The following C4orf51 variants were observed in gnomAD, a reference collection of about 807,000 sequenced individuals.
C4orf51 encodes chromosome 4 open reading frame 51, also known as uncharacterized protein C4orf51.
Under a neutral mutation model 25.2 loss-of-function variants are expected in C4orf51, and 25 were observed. That is an observed-to-expected ratio of 0.99 (90% CI 0.72 to 1.39). C4orf51 has a LOEUF of 1.39. Among genes scored for constraint, C4orf51 ranks in the 40% most tolerant of loss-of-function variants. The pLI, the probability that C4orf51 is intolerant of heterozygous loss-of-function variation, is 0.00. For missense variants in C4orf51, 252 were observed against 239.6 expected (o/e 1.05, Z -0.34); for synonymous variants, 100 against 84.5 (o/e 1.18, Z -1.01).
At position 145,716,914 on chromosome 4, in the gene C4orf51, ACTTT is replaced by A. The variant is rs149320728; in HGVS notation, c.308-9989_308-9986del. 7.2e-5 allele frequency among the ~76,000 whole-genome samples: 11 copies of A among 152,202 alleles called. No individual in the cohort carries two copies. The East Asian group carries it at 2.1e-3, about 29-fold the overall frequency. ...TGTGTGCTATTGTTAAAATCAGGAG[ACTTT>A]CTTTCTTCCCTTTGCAGTAAAGAAC... On this transcript the variant is annotated intron_variant, in intron 2 of 5. Transcript: ENST00000438731.
chr4:145,708,024 T>G (rs1338782179), intron 2 of C4orf51, among the ~76,000 whole-genome samples: 1 of 152,224 alleles, frequency 6.6e-6, no homozygotes, highest in African/African-American at 2.4e-5. Context: ...GGGCAAGCCA[T>G]GGACATAGCT....
chr4:145,728,059 C>A (rs1200416481), intron 3 of C4orf51, among the ~76,000 whole-genome samples: 2 of 141,258 alleles, frequency 1.4e-5, no homozygotes, highest in Admixed American at 7.6e-5. Flanking sequence ...CACACACACA[C>A]ACACACACAC....
chr4:145,762,973 GC>G lies in C4orf51; in HGVS notation n.167-8013del. On this transcript the variant is annotated intron_variant and non_coding_transcript_variant, in intron 1 of 1. Coordinates refer to the C4orf51 transcript ENST00000510096. The surrounding 1 kb of genome is among the most constrained non-coding windows in gnomAD (Gnocchi z 4.9). Reference sequence around the variant, plus strand: ...GTGCACCGTGCACGGCCTCCTCAGCGCCAAGCTCGCCGTTAGCCTTTGAACC... The same window carrying G: ...GTGCACCGTGCACGGCCTCCTCAGCGCAAGCTCGCCGTTAGCCTTTGAACC... 9.8e-7 allele frequency: 1 copy of G among 1,018,698 alleles called. No homozygotes were observed. The highest frequency in any genetic ancestry group is 1.4e-6 in the Non-Finnish European group (1 of 702,578). The allele number at this position is 1,018,698 out of a possible 1,614,324, so 63.1% of individuals were successfully genotyped here. A position where few individuals can be genotyped will look rare whatever the true frequency, so the allele number is the denominator to read the frequency against.
In C4orf51 at chr4:145,765,622, C is replaced by G. The variant is rs771220958; in HGVS notation, n.167-5366C>G. ...ACAGAGATGACCAGCAGATTGTTCC[C>G]GCCCTTGTTTTTCTGGGAGCCATCT... On this transcript the variant is annotated intron_variant and non_coding_transcript_variant, in intron 1 of 1. Transcript: ENST00000510096. The surrounding 1 kb of genome is among the most constrained non-coding windows in gnomAD (Gnocchi z 4.7). 1 of 1,614,098 alleles carries G rather than the reference C, an allele frequency of 6.2e-7. No homozygotes were observed. Among genetic ancestry groups the G allele is most frequent in the Non-Finnish European group, 8.5e-7 (1 of 1,180,018 alleles).
the C4orf51 span, among the ~76,000 whole-genome samples, chr4:145,780,646 G>A: frequency 6.6e-6 from 1 of 152,090 alleles, no homozygotes; most frequent in Non-Finnish European, 1.5e-5. Flanking sequence ...TTCCTCCTAT[G>A]ATAATGTCAT....
the C4orf51 span, among the ~76,000 whole-genome samples, chr4:145,782,968 G>A: frequency 6.6e-6 from 1 of 152,168 alleles, no homozygotes; most frequent in African/African-American, 2.4e-5. Context: ...CAATTCCCAA[G>A]GTAGAGTTAG....
chr4:145,777,670 T>C, the C4orf51 span, among the ~76,000 whole-genome samples: 1 of 152,228 alleles, frequency 6.6e-6, no homozygotes, highest in African/African-American at 2.4e-5. Context: ...TTCATTTTCT[T>C]AATCAGGCTT....
In C4orf51 at chr4:145,729,971, A is replaced by G; in HGVS notation, c.501+6A>G. On this transcript the variant is annotated splice_donor_region_variant and intron_variant, in intron 5 of 5. Transcript: ENST00000438731. ...GGAAAGGTGTCCTAAAGCATGTAAG[A>G]ATCTTTTTACTTGCCATGCAACAGT... 6.2e-7 allele frequency: 1 copy of G among 1,613,296 alleles called. No homozygotes were observed. The highest frequency in any genetic ancestry group is 1.3e-5 in the African/African-American group (1 of 75,000).
At chr4:145,687,010 G>T (rs1468605434) in intron 1 of C4orf51, among the ~76,000 whole-genome samples, 2 of 107,844 alleles carry the variant, frequency 1.9e-5, no homozygotes, top group African/African-American at 8.4e-5. Context: ...TGTGGGGGGG[G>T]CGGTTTCCTT....
chr4:145,757,098 T>C (rs1734006212), downstream of C4orf51, among the ~76,000 whole-genome samples: 2 of 151,688 alleles, frequency 1.3e-5, no homozygotes, highest in Non-Finnish European at 2.9e-5. Flanking sequence ...TTTCATTTCT[T>C]TCTCTCTCTG....
downstream of C4orf51, among the ~76,000 whole-genome samples, chr4:145,733,834 T>C (rs1440075912): frequency 6.6e-6 from 1 of 152,182 alleles, no homozygotes; most frequent in Non-Finnish European, 1.5e-5. Flanking sequence ...AGTTTTGCCC[T>C]GGCCAGCCCC....
chr4:145,705,278 CTATT>C (rs1730730481), intron 2 of C4orf51, among the ~76,000 whole-genome samples: 1 of 152,194 alleles, frequency 6.6e-6, no homozygotes, highest in Non-Finnish European at 1.5e-5. Flanking sequence ...TCAGGTGTTT[CTATT>C]TATTGGGAGA....
At chr4:145,734,900 G>A (rs1436970656), downstream of C4orf51, among the ~76,000 whole-genome samples, 3 of 152,154 alleles carry the variant, frequency 2.0e-5, no homozygotes, top group Non-Finnish European at 4.4e-5. Flanking sequence ...ACTTCCCGGA[G>A]GCTAGAGCAG....
intron 2 of C4orf51, among the ~76,000 whole-genome samples, chr4:145,712,236 A>G (rs1217813965): frequency 6.6e-6 from 1 of 152,200 alleles, no homozygotes; most frequent in Non-Finnish European, 1.5e-5. Context: ...GAAAGGAAGA[A>G]TCACATATTT....
chr4:145,727,723 A>G (rs1732145121), intron 3 of C4orf51, among the ~76,000 whole-genome samples: 1 of 150,172 alleles, frequency 6.7e-6, no homozygotes, highest in South Asian at 2.1e-4. Context: ...TAAAAAAAAA[A>G]AATACAAAAT....
At chr4:145,734,589 T>A (rs1732700352), downstream of C4orf51, among the ~76,000 whole-genome samples, 1 of 152,208 alleles carries the variant, frequency 6.6e-6, no homozygotes. Context: ...CCTTTGCTGT[T>A]CCTCCTGTTT....
chr4:145,755,846 GCTC>G (rs1369484210), downstream of C4orf51, among the ~76,000 whole-genome samples: 1 of 152,192 alleles, frequency 6.6e-6, no homozygotes, highest in South Asian at 2.1e-4. Flanking sequence ...GTGATAGATG[GCTC>G]CTTAGAATGA....
rs1735191634 is a variant in C4orf51, at chr4:145,765,766, G to C, written n.167-5222G>C. 1 of 1,600,378 alleles carries C rather than the reference G, an allele frequency of 6.2e-7. No homozygotes were observed. Among genetic ancestry groups the C allele is most frequent in the Non-Finnish European group, 8.5e-7 (1 of 1,172,446 alleles). ...GAAAAATAAGCAAATAACCCAGTCT[G>C]TTAATGAGATGAAAATCCTCAGAAT... On this transcript the variant is annotated intron_variant and non_coding_transcript_variant, in intron 1 of 1. Transcript: ENST00000510096. This position sits in a 1 kb window ranked among gnomAD's most constrained non-coding sequence, Gnocchi z 4.7.
intron 2 of C4orf51, among the ~76,000 whole-genome samples, chr4:145,701,058 G>A (rs1301170389): frequency 2.6e-5 from 4 of 151,998 alleles, no homozygotes; most frequent in Non-Finnish European, 5.9e-5. Flanking sequence ...TTCATGGCTC[G>A]TTCAGCAGCA....
Sources: gnomAD v4.1 joint callset for allele counts (sites outside exome capture counted in the v4.1 genomes callset) on GRCh38, gnomAD v4.1.1 for gene constraint, Gnocchi (gnomAD v3.1) non-coding constraint, MANE v1.5 for transcripts, NCBI Gene and HGNC (gene_info 2026-07-23, HGNC 2026-07-21) for gene names.